ARL15: variants seen among roughly 807,000 people sequenced by gnomAD.
ARL15 encodes ARF like GTPase 15, also known as ADP-ribosylation factor-like protein 15.
In ARL15, 19 loss-of-function variants were observed where a neutral mutation model predicts 25.2. The observed-to-expected ratio is 0.75, with a 90% CI of 0.53 to 1.10. The LOEUF (loss-of-function observed/expected upper bound fraction) is 1.10. ARL15 is among the 50% of genes least tolerant of loss of function. The pLI is 0.00. For missense variants in ARL15, 220 were observed against 246.0 expected (o/e 0.89, Z 0.71); for synonymous variants, 94 against 86.8 (o/e 1.08, Z -0.46).
intron 4 of ARL15, among the ~76,000 whole-genome samples, chr5:53,893,277 C>A (rs1744776905): frequency 6.6e-6 from 1 of 151,988 alleles, no homozygotes; most frequent in African/African-American, 2.4e-5. Flanking sequence ...CAGAAACCTG[C>A]GAGTACAACA....
chr5:54,059,227 T>C (rs1030974362), intron 4 of ARL15, among the ~76,000 whole-genome samples: 3 of 152,202 alleles, frequency 2.0e-5, no homozygotes, highest in East Asian at 1.9e-4. Context: ...TGATATAACA[T>C]GGCTACTTCC....
intron 1 of ARL15, among the ~76,000 whole-genome samples, chr5:54,242,307 C>A (rs905554050): frequency 1.3e-5 from 2 of 152,108 alleles, no homozygotes; most frequent in African/African-American, 4.8e-5. Context: ...TTTTTACAAT[C>A]CTGCATAGGG....
chr5:54,005,765 G>T (rs1207166925), intron 4 of ARL15, among the ~76,000 whole-genome samples: 1 of 151,826 alleles, frequency 6.6e-6, no homozygotes, highest in African/African-American at 2.4e-5. Flanking sequence ...GGGAGGCTGA[G>T]GCAGGAGAAT....
Position 54,310,530 on chromosome 5 carries a change from G to A in ARL15, c.-51C>T, listed in dbSNP as rs908639596. 3.8e-5 allele frequency: 59 copies of A among 1,558,408 alleles called. No individual in the cohort carries two copies. Among genetic ancestry groups the A allele is most frequent in the Non-Finnish European group, 4.9e-5 (56 of 1,151,516 alleles). ...GCTCCGAACCCGGAAAAAAAAAGCAGCGTCTCTGGCTGCGAGCGAGCAGCT... is the reference window on the plus strand; with the variant it reads ...GCTCCGAACCCGGAAAAAAAAAGCAACGTCTCTGGCTGCGAGCGAGCAGCT... On this transcript the variant is annotated 5_prime_UTR_variant, in exon 1 of 5. Coordinates refer to ENST00000504924, the MANE Select transcript of ARL15 (RefSeq NM_019087.3).
At chr5:53,927,248 T>C (rs1246135343) in intron 4 of ARL15, among the ~76,000 whole-genome samples, 1 of 152,168 alleles carries the variant, frequency 6.6e-6, no homozygotes, top group African/African-American at 2.4e-5. Flanking sequence ...ATCAGCTTCA[T>C]GTTTCTGAAG....
At chr5:54,184,835 A>G (rs1488527682) in intron 1 of ARL15, among the ~76,000 whole-genome samples, 1 of 152,106 alleles carries the variant, frequency 6.6e-6, no homozygotes, top group Non-Finnish European at 1.5e-5. Context: ...TTCTTTGTTC[A>G]GGACATCACC....
At chr5:54,285,274 G>A (rs892535780) in intron 1 of ARL15, 5 of 671,974 alleles carry the variant, frequency 7.4e-6, no homozygotes, top group African/African-American at 2.0e-5. Flanking sequence ...TTTAAGAGAG[G>A]TCTATAGAAA....
chr5:54,165,661 A>C (rs1365824305), intron 2 of ARL15, among the ~76,000 whole-genome samples: 1 of 151,182 alleles, frequency 6.6e-6, no homozygotes, highest in Non-Finnish European at 1.5e-5. Flanking sequence ...GAAAAAAAAA[A>C]CCAAAAGGAT....
intron 4 of ARL15, among the ~76,000 whole-genome samples, chr5:53,908,216 T>G (rs1035826489): frequency 2.6e-5 from 4 of 152,304 alleles, no homozygotes; most frequent in Admixed American, 2.6e-4. Context: ...AATTTATAAA[T>G]TAAACTTTAT....
At chr5:54,170,967 C>T (rs919227810) in intron 2 of ARL15, among the ~76,000 whole-genome samples, 3 of 152,190 alleles carry the variant, frequency 2.0e-5, no homozygotes, top group African/African-American at 7.2e-5. Flanking sequence ...TGCACAGCAG[C>T]TCTGTTCTCT....
At chr5:54,074,088 C>G (rs978879753) in intron 4 of ARL15, among the ~76,000 whole-genome samples, 25 of 152,298 alleles carry the variant, frequency 1.6e-4, no homozygotes, top group African/African-American at 4.8e-4. Context: ...TTTCTTCTAG[C>G]TCACCCATTT....
intron 4 of ARL15, among the ~76,000 whole-genome samples, chr5:53,980,882 G>A (rs1264189053): frequency 1.3e-5 from 2 of 152,158 alleles, no homozygotes; most frequent in Non-Finnish European, 2.9e-5. Flanking sequence ...TTGGGAGGCT[G>A]AGGCCGTAGG....
At chr5:53,981,975 G>T (rs76001526) in intron 4 of ARL15, among the ~76,000 whole-genome samples, 1 of 152,018 alleles carries the variant, frequency 6.6e-6, no homozygotes, top group Non-Finnish European at 1.5e-5. Flanking sequence ...TTTCGTATAG[G>T]CAAGAGGAAG....
At chr5:54,167,104 A>C (rs1389065742) in intron 2 of ARL15, among the ~76,000 whole-genome samples, 2 of 152,182 alleles carry the variant, frequency 1.3e-5, no homozygotes, top group Non-Finnish European at 2.9e-5. Flanking sequence ...CCATCTGGTG[A>C]TTACAGGCAT....
At chr5:54,204,328 C>G (rs1030662538) in intron 1 of ARL15, among the ~76,000 whole-genome samples, 1 of 152,164 alleles carries the variant, frequency 6.6e-6, no homozygotes, top group African/African-American at 2.4e-5. Context: ...GTAATTCCCA[C>G]AGGAGACATG....
chr5:54,199,469 A>C (rs1755650678), intron 1 of ARL15, among the ~76,000 whole-genome samples: 1 of 152,078 alleles, frequency 6.6e-6, no homozygotes, highest in Non-Finnish European at 1.5e-5. Context: ...CAACCCTATC[A>C]AAAAGTGGGT....
intron 1 of ARL15, among the ~76,000 whole-genome samples, chr5:54,235,106 G>A (rs1369210696): frequency 6.6e-6 from 1 of 152,016 alleles, no homozygotes; most frequent in Non-Finnish European, 1.5e-5. Context: ...GATAAAGTTG[G>A]GATTATTATT....
At chr5:54,274,121 T>A (rs899766837) in intron 1 of ARL15, among the ~76,000 whole-genome samples, 1 of 151,900 alleles carries the variant, frequency 6.6e-6, no homozygotes, top group Non-Finnish European at 1.5e-5. Flanking sequence ...TTGAGTCTAG[T>A]TCCTGGCTTG....
rs949516833 is a variant in ARL15, at chr5:54,029,865, C to T, written c.462+83337G>A. 3.3e-5 allele frequency among the ~76,000 whole-genome samples: 5 copies of T among 151,998 alleles called. No individual in the cohort carries two copies. The South Asian group carries it at 6.2e-4, about 19-fold the overall frequency. ...AAACAAAATTAGCCGGGCATAGTGGCGGGTGCCTGTAGTCCCAGCTACTCA... is the reference window on the plus strand; with the variant it reads ...AAACAAAATTAGCCGGGCATAGTGGTGGGTGCCTGTAGTCCCAGCTACTCA... On this transcript the variant is annotated intron_variant, in intron 4 of 4. Coordinates refer to ENST00000504924, the MANE Select transcript of ARL15 (RefSeq NM_019087.3).
Sources: allele counts gnomAD v4.1 joint callset (sites outside exome capture counted in the v4.1 genomes callset), GRCh38; gene constraint gnomAD v4.1.1; transcripts MANE v1.5; gene names NCBI Gene and HGNC (gene_info 2026-07-23, HGNC 2026-07-21).